DGKB: variants seen among roughly 807,000 people sequenced by gnomAD.
DGKB encodes the protein diacylglycerol kinase beta.
Under a neutral mutation model 114.3 loss-of-function variants are expected in DGKB, and 67 were observed. That is an observed-to-expected ratio of 0.59 (90% confidence interval 0.48 to 0.72). The LOEUF (loss-of-function observed/expected upper bound fraction) is 0.72, where lower values mean the gene tolerates loss of function less well. Ranked by LOEUF, DGKB falls within the 30% of genes least tolerant of loss-of-function variation. The pLI is 0.00. For missense variants in DGKB, 907 were observed against 975.2 expected, an observed-to-expected ratio of 0.93 and a Z score of 0.93; for synonymous variants, 398 against 323.1, an observed-to-expected ratio of 1.23 and a Z score of -2.49.
In DGKB at chr7:14,186,664, T is replaced by C. The variant is rs28655965; in HGVS notation, c.2123-8513A>G. 1.5e-3 allele frequency among the ~76,000 whole-genome samples: 223 copies of C among 152,324 alleles called. 1 individual carries two copies. Among genetic ancestry groups the C allele is most frequent in the African/African-American group, 5.1e-3 (213 of 41,578 alleles). On this transcript the variant is annotated intron_variant, in intron 23 of 25. Transcript: ENST00000402815. ...GTGGATAAAGAAACTGTGGTATATA[T>C]ATTCAATGTAATACTACACAGACAT...
intron 23 of DGKB, among the ~76,000 whole-genome samples, chr7:14,259,039 C>T (rs1796346461): frequency 6.6e-6 from 1 of 152,090 alleles, no homozygotes; most frequent in Admixed American, 6.6e-5. Flanking sequence ...AGCAACCATT[C>T]TATACAGTGT....
chr7:14,627,391 T>C (rs932480897), intron 14 of DGKB, among the ~76,000 whole-genome samples: 1 of 152,110 alleles, frequency 6.6e-6, no homozygotes, highest in African/African-American at 2.4e-5. Context: ...TTTCACACAT[T>C]ACACATGAAG....
chr7:14,302,990 G>A (rs1226106344), intron 23 of DGKB, among the ~76,000 whole-genome samples: 1 of 152,142 alleles, frequency 6.6e-6, no homozygotes, highest in African/African-American at 2.4e-5. Flanking sequence ...TGGGTGGTAG[G>A]AGAAGCTTAG....
At chr7:14,548,569 G>A (rs1450842929) in intron 20 of DGKB, among the ~76,000 whole-genome samples, 2 of 152,156 alleles carry the variant, frequency 1.3e-5, no homozygotes, top group Non-Finnish European at 2.9e-5. Flanking sequence ...ATTGATGATA[G>A]GAGCAAAGGA....
At chr7:14,432,703 T>C (rs1340014232) in intron 21 of DGKB, among the ~76,000 whole-genome samples, 3 of 152,196 alleles carry the variant, frequency 2.0e-5, no homozygotes, top group Non-Finnish European at 2.9e-5. Context: ...ATTTGAGATG[T>C]GGTTTCCATG....
rs543354456 is a variant in DGKB, at chr7:14,640,911, C to T, written c.1135-10643G>A. Among the ~76,000 whole-genome samples, 13 of 152,264 alleles carry T rather than the reference C, an allele frequency of 8.5e-5. No individual in the cohort carries two copies. The South Asian group carries it at 2.5e-3, about 29-fold the overall frequency. On this transcript the variant is annotated intron_variant, in intron 13 of 25. Transcript: ENST00000402815. ...GGTTAAGAATGTCTGGTTTTGACTG[C>T]ATTCAAAATGTAAAAATTAAAAGAT...
chr7:14,750,243 T>C, intron 4 of DGKB: 1 of 479,672 alleles, frequency 2.1e-6, no homozygotes, highest in South Asian at 1.5e-5. Flanking sequence ...TTTTGCAATA[T>C]TAACACATGG....
intron 1 of DGKB, among the ~76,000 whole-genome samples, chr7:14,951,630 A>G (rs192824870): frequency 1.3e-5 from 2 of 152,144 alleles, no homozygotes; most frequent in East Asian, 1.9e-4. Flanking sequence ...TGTACAATAT[A>G]GAGCAAATCC....
intron 8 of DGKB, among the ~76,000 whole-genome samples, chr7:14,694,684 G>T (rs545019189): frequency 6.6e-6 from 1 of 152,020 alleles, no homozygotes; most frequent in Non-Finnish European, 1.5e-5. Flanking sequence ...ATTAAACTTC[G>T]TTTCTAAAGA....
At chr7:14,153,238 C>G (rs1221228490) in intron 25 of DGKB, among the ~76,000 whole-genome samples, 3 of 151,894 alleles carry the variant, frequency 2.0e-5, no homozygotes, top group African/African-American at 7.3e-5. Context: ...ATTTCCAAAC[C>G]CTTTATTATG....
chr7:14,221,476 A>G (rs544743353), intron 23 of DGKB, among the ~76,000 whole-genome samples: 4 of 151,422 alleles, frequency 2.6e-5, no homozygotes, highest in East Asian at 1.9e-4. Context: ...CATTACATTG[A>G]TTGATTTCCA....
intron 2 of DGKB, among the ~76,000 whole-genome samples, chr7:14,796,967 T>C (rs1406913876): frequency 6.6e-6 from 1 of 152,204 alleles, no homozygotes; most frequent in Non-Finnish European, 1.5e-5. Flanking sequence ...TTTTCTTTAA[T>C]TAATAATGCA....
chr7:14,831,306 T>C (rs932601930), intron 2 of DGKB, among the ~76,000 whole-genome samples: 2 of 152,118 alleles, frequency 1.3e-5, no homozygotes, highest in East Asian at 3.9e-4. Context: ...GGCTACTATA[T>C]GCTAATATTT....
chr7:14,216,112 A>T (rs1165918465), intron 23 of DGKB, among the ~76,000 whole-genome samples: 2 of 152,190 alleles, frequency 1.3e-5, no homozygotes, highest in Admixed American at 6.6e-5. Flanking sequence ...AAAAATGAAG[A>T]TATACGATTG....
At chr7:14,172,679 A>G (rs1244911294) in intron 25 of DGKB, among the ~76,000 whole-genome samples, 2 of 152,118 alleles carry the variant, frequency 1.3e-5, no homozygotes, top group Non-Finnish European at 2.9e-5. Context: ...AGTCCATTTT[A>G]GTTGTAATAA....
At chr7:14,632,755 G>A (rs948687707) in intron 13 of DGKB, among the ~76,000 whole-genome samples, 1 of 151,814 alleles carries the variant, frequency 6.6e-6, no homozygotes, top group African/African-American at 2.4e-5. Flanking sequence ...ATAGAGGTAA[G>A]TTTCTAGGCT....
At chr7:14,271,511 G>T (rs182649558) in intron 23 of DGKB, among the ~76,000 whole-genome samples, 1 of 152,144 alleles carries the variant, frequency 6.6e-6, no homozygotes. Context: ...CACAGAGGCC[G>T]CAAAGCCTCC....
chr7:14,961,546 T>C (rs1587464196), intron 1 of DGKB, among the ~76,000 whole-genome samples: 1 of 152,082 alleles, frequency 6.6e-6, no homozygotes, highest in South Asian at 2.1e-4. Flanking sequence ...AAAAGTGTGG[T>C]TGGGAGCAAC....
At chr7:14,732,024 T>C (rs1407888014) in intron 5 of DGKB, among the ~76,000 whole-genome samples, 1 of 152,138 alleles carries the variant, frequency 6.6e-6, no homozygotes, top group African/African-American at 2.4e-5. Flanking sequence ...AAATGCCAAA[T>C]GGATCATTAC....
Sources: allele counts gnomAD v4.1 joint callset (sites outside exome capture counted in the v4.1 genomes callset), GRCh38; gene constraint gnomAD v4.1.1; transcripts MANE v1.5; gene names NCBI Gene and HGNC (gene_info 2026-07-23, HGNC 2026-07-21).